The following ADGRE1 variants were observed in gnomAD, a reference collection of about 807,000 sequenced individuals.
The protein encoded by ADGRE1 is adhesion G protein-coupled receptor E1, also known as EGF-like module receptor 1.
In ADGRE1, 82 loss-of-function variants were observed where a neutral mutation model predicts 102.7. The ratio of observed to expected loss-of-function variants is 0.80; its 90% CI spans 0.67 to 0.96. The LOEUF (loss-of-function observed/expected upper bound fraction) is 0.96. Among genes scored for constraint, ADGRE1 ranks in the 40% least tolerant of loss-of-function variants. The pLI is 0.00. For missense variants in ADGRE1, 1,032 were observed against 1,085.3 expected (o/e 0.95, Z 0.69); for synonymous variants, 398 against 399.6 (o/e 1.00, Z 0.05).
chr19:6,897,934 C>CTTCT lies in ADGRE1; in HGVS notation c.514+390_514+391insTTTC, dbSNP rs759006953. On this transcript the variant is annotated intron_variant, in intron 5 of 20. Transcript: ENST00000312053. Reference sequence around the variant, plus strand: ...CATGATTTCCTTCCTTCCTTCCTTCCTTCCTTCCTTCCTTCCTTCCTTCCT... The same window carrying CTTCT: ...CATGATTTCCTTCCTTCCTTCCTTCCTTCTTTCCTTCCTTCCTTCCTTCCTTCCT... 6.5e-3 allele frequency: 1,173 copies of CTTCT among 179,170 alleles called. 19 individuals carry two copies. The highest frequency in any genetic ancestry group is 0.026 in the African/African-American group (1,095 of 41,660). 11.1% of individuals were successfully genotyped at this position (179,170 alleles called of 1,614,324 possible).
rs767503791 is a variant in ADGRE1, at chr19:6,935,023, C to T, written c.2326C>T (p.Leu776=). 7.5e-6 allele frequency: 12 copies of T among 1,598,260 alleles called. No homozygotes were observed. The highest frequency in any genetic ancestry group is 1.3e-5 in the African/African-American group (1 of 74,188). The part of the protein sequence containing the change: ...SLLLTWTLWI[L]RQRLSSVNAE... Reference sequence around the variant, plus strand: ...TCTCCTGACCTGGACCTTGTGGATCCTGAGGCAGAGGCTTTCCAGTGTTAA... The same window carrying T: ...TCTCCTGACCTGGACCTTGTGGATCTTGAGGCAGAGGCTTTCCAGTGTTAA... Residue 776 remains leucine, a synonymous_variant, in exon 18 of 21, where the codon CTG becomes TTG. Coordinates refer to ENST00000312053, the MANE Select transcript of ADGRE1 (RefSeq NM_001974.5).
intron 14 of ADGRE1, among the ~76,000 whole-genome samples, chr19:6,922,610 T>TCACACACA (rs1491300878): frequency 3.3e-5 from 4 of 120,000 alleles, no homozygotes; most frequent in African/African-American, 1.3e-4. Context: ...TGAGACTCTG[T>TCACACACA]CTCACACACA....
intron 17 of ADGRE1, among the ~76,000 whole-genome samples, chr19:6,934,278 A>G (rs10402080): frequency 0.095 from 14,477 of 152,122 alleles, 1,470 homozygotes; most frequent in African/African-American, 0.26. Flanking sequence ...GTTGGTCCTA[A>G]GTTGGAAGTA....
intron 10 of ADGRE1, among the ~76,000 whole-genome samples, chr19:6,913,379 A>C (rs1974267213): frequency 6.8e-6 from 1 of 146,318 alleles, no homozygotes; most frequent in African/African-American, 2.5e-5. Flanking sequence ...ACAGGGTTTC[A>C]CTATGTTTGC....
intron 17 of ADGRE1, among the ~76,000 whole-genome samples, chr19:6,931,467 G>T (rs1975147232): frequency 6.6e-6 from 1 of 152,138 alleles, no homozygotes; most frequent in East Asian, 1.9e-4. Context: ...ACGAGGGAGG[G>T]TCTGTTCCAG....
At chr19:6,924,951 T>C (rs970900919) in intron 15 of ADGRE1, 79 bp downstream of exon 15, 1 of 1,469,168 alleles carries the variant, frequency 6.8e-7, no homozygotes, top group African/African-American at 1.4e-5. Flanking sequence ...GCCAACTCCC[T>C]CTATCCCTGT....
chr19:6,890,005 T>C (rs914023338), intron 1 of ADGRE1, among the ~76,000 whole-genome samples: 12 of 152,098 alleles, frequency 7.9e-5, no homozygotes, highest in Admixed American at 5.2e-4. Flanking sequence ...CTCTATCTCC[T>C]GGGCTCAAGC....
Position 6,916,374 on chromosome 19 carries a change from G to T in ADGRE1, c.1420+6G>T. 1 of 1,610,990 alleles carries T rather than the reference G, an allele frequency of 6.2e-7. No homozygotes were observed. The highest frequency in any genetic ancestry group is 8.5e-7 in the Non-Finnish European group (1 of 1,178,542). Reference sequence around the variant, plus strand: ...TGAGGAATCTGAATCCACAGGTACAGGTCCTCTCCTGAGAATGCAGGTTAT... The same window carrying T: ...TGAGGAATCTGAATCCACAGGTACATGTCCTCTCCTGAGAATGCAGGTTAT... On this transcript the variant is annotated splice_donor_region_variant and intron_variant, in intron 12 of 20. Transcript: ENST00000312053.
rs2093180239 is a variant in ADGRE1, at chr19:6,898,724, A to G, written c.514+1177A>G. 3 of 746,146 alleles carry G rather than the reference A, an allele frequency of 4.0e-6. No individual in the cohort carries two copies. The South Asian group carries it at 5.9e-5, about 15-fold the overall frequency. The allele number at this position is 746,146 out of a possible 1,614,324, so 46.2% of individuals were successfully genotyped here. On this transcript the variant is annotated intron_variant, in intron 5 of 20. Transcript: ENST00000312053. Reference sequence around the variant, plus strand: ...TCTTTATTATTTACCTGCTTAATTAATTAAGGGTCATCTCACTGGAAGACC... The same window carrying G: ...TCTTTATTATTTACCTGCTTAATTAGTTAAGGGTCATCTCACTGGAAGACC...
At position 6,937,555 on chromosome 19, in the gene ADGRE1, A is replaced by G. The variant is rs1439304744; in HGVS notation, c.2562A>G (p.Glu854=). ...HCLLNGQVRE[E]YKRWITGKTK... ...GTCTCCTTCTCCAGGTACGAGAAGA[A>G]TACAAGAGGTGGATCACTGGGAAGA... Residue 854 remains glutamate, a synonymous_variant, in exon 20 of 21, where the codon GAA becomes GAG. Coordinates refer to ENST00000312053, the MANE Select transcript of ADGRE1 (RefSeq NM_001974.5). 1 of 1,613,948 alleles carries G rather than the reference A, an allele frequency of 6.2e-7. No homozygotes were observed. Among genetic ancestry groups the G allele is most frequent in the Non-Finnish European group, 8.5e-7 (1 of 1,179,976 alleles).
intron 17 of ADGRE1, among the ~76,000 whole-genome samples, chr19:6,928,939 CAAAAA>C (rs61017298): frequency 0.6 from 79,253 of 131,988 alleles, 22,859 homozygotes; most frequent in African/African-American, 0.78. Flanking sequence ...AACTCCATCT[CAAAAA>C]AAAAAAAAAA....
chr19:6,912,933 GCTTGCTTT>G (rs1264627384), intron 10 of ADGRE1, among the ~76,000 whole-genome samples: 2 of 152,118 alleles, frequency 1.3e-5, no homozygotes, highest in Non-Finnish European at 2.9e-5. Context: ...TGTCTTTCTT[GCTTGCTTT>G]CTTGCTTTCT....
chr19:6,931,991 A>T (rs919860200), intron 17 of ADGRE1, among the ~76,000 whole-genome samples: 1 of 152,174 alleles, frequency 6.6e-6, no homozygotes, highest in Non-Finnish European at 1.5e-5. Flanking sequence ...CATAAATTAG[A>T]CAGCAGTAAT....
chr19:6,919,557 G>C lies in ADGRE1; in HGVS notation c.1430G>C (p.Gly477Ala), dbSNP rs1007655757. The C allele has an allele frequency of 1.9e-6, 3 of 1,612,354 alleles. No homozygotes were observed. In the African/African-American group the frequency reaches 4.0e-5, roughly 22 times the overall value. Residue 477 changes from glycine to alanine, a missense_variant, in exon 13 of 21, where the codon GGT becomes GCT. By Grantham distance (60) the Gly-to-Ala change is moderately conservative. Transcript: ENST00000312053. The stretch of plus-strand genomic sequence containing the variant: ...TTGGGGAAACCTGCAGAGACCACTG[G>C]TGTGGCTTTTGTCTCCTTTGTGGGC... Reference protein sequence around the residue: ...IEESESTETTGVAFVSFVGME... With the variant: ...IEESESTETTAVAFVSFVGME...
At chr19:6,934,541 C>T (rs2145031866) in intron 17 of ADGRE1, among the ~76,000 whole-genome samples, 1 of 151,028 alleles carries the variant, frequency 6.6e-6, no homozygotes, top group Admixed American at 6.6e-5. Flanking sequence ...ATGCCTCAGC[C>T]TCCCAAGTAG....
chr19:6,921,251 G>A (rs1220833381), intron 13 of ADGRE1, among the ~76,000 whole-genome samples: 1 of 152,096 alleles, frequency 6.6e-6, no homozygotes, highest in Non-Finnish European at 1.5e-5. Flanking sequence ...GTAAAACCCC[G>A]TCTCTACTAA....
intron 1 of ADGRE1, 77 bp from the exon 2 acceptor site, chr19:6,890,404 C>A: frequency 1.4e-6 from 2 of 1,379,746 alleles, no homozygotes; most frequent in Non-Finnish European, 1.9e-6. Flanking sequence ...AGTAATTTTG[C>A]AGGTTGAGCC....
chr19:6,926,324 T>G, intron 15 of ADGRE1, 42 bp from the exon 16 acceptor site: 1 of 1,604,994 alleles, frequency 6.2e-7, no homozygotes, highest in Non-Finnish European at 8.5e-7. Flanking sequence ...TCGATTTCTC[T>G]CTGGGGTGGA....
chr19:6,920,516 C>CCT (rs1974612981), intron 13 of ADGRE1, among the ~76,000 whole-genome samples: 1 of 75,736 alleles, frequency 1.3e-5, no homozygotes, highest in Non-Finnish European at 2.4e-5. Flanking sequence ...ACCATGCCCG[C>CCT]TTTTTTTTTT....
Sources: allele counts gnomAD v4.1 joint callset (sites outside exome capture counted in the v4.1 genomes callset), GRCh38; gene constraint gnomAD v4.1.1; transcripts MANE v1.5; gene names NCBI Gene and HGNC (gene_info 2026-07-23, HGNC 2026-07-21).